WDR70: variants seen among roughly 807,000 people sequenced by gnomAD.
The protein encoded by WDR70 is WD repeat-containing protein 70.
A neutral mutation model predicts 88.6 loss-of-function variants in WDR70; 53 were observed. That is an observed-to-expected ratio of 0.60 (90% CI 0.48 to 0.75). The LOEUF (loss-of-function observed/expected upper bound fraction) is 0.75. WDR70 is among the 30% of genes least tolerant of loss of function. The pLI is 0.00. For synonymous variants in WDR70, 280 were observed against 270.0 expected, an observed-to-expected ratio of 1.04 and a Z score of -0.36; for missense variants, 610 against 823.2, an observed-to-expected ratio of 0.74 and a Z score of 3.17.
At chr5:37,584,053 A>T (rs1166261729) in intron 9 of WDR70, among the ~76,000 whole-genome samples, 1 of 152,188 alleles carries the variant, frequency 6.6e-6, no homozygotes, top group Admixed American at 6.5e-5. Context: ...TAGGTCTGTT[A>T]GTTGATTATT....
chr5:37,450,396 A>G (rs1738638798), intron 7 of WDR70, among the ~76,000 whole-genome samples: 1 of 152,194 alleles, frequency 6.6e-6, no homozygotes, highest in Non-Finnish European at 1.5e-5. Flanking sequence ...ATGCGTGTAT[A>G]TTATACTAAC....
At chr5:37,437,674 G>C (rs1007711791) in intron 5 of WDR70, among the ~76,000 whole-genome samples, 1 of 151,948 alleles carries the variant, frequency 6.6e-6, no homozygotes, top group East Asian at 1.9e-4. Flanking sequence ...TAATTTTATA[G>C]AACCTAATGA....
intron 10 of WDR70, among the ~76,000 whole-genome samples, chr5:37,621,290 A>G (rs1363417362): frequency 6.6e-6 from 1 of 152,144 alleles, no homozygotes; most frequent in Non-Finnish European, 1.5e-5. Flanking sequence ...ATTTTATTTA[A>G]ATATTCCAAA....
intron 10 of WDR70, among the ~76,000 whole-genome samples, chr5:37,689,487 G>A (rs532798890): frequency 1.3e-5 from 2 of 152,346 alleles, no homozygotes; most frequent in South Asian, 4.1e-4. Flanking sequence ...GAAGCTTCCA[G>A]AGGAAGGATC....
intron 10 of WDR70, among the ~76,000 whole-genome samples, chr5:37,660,451 G>GTT (rs369987913): frequency 1.4e-5 from 2 of 144,636 alleles, no homozygotes; most frequent in African/African-American, 2.5e-5. Flanking sequence ...TCTCCTTTCA[G>GTT]TTTTTTTTTT....
At chr5:37,397,439 A>G (rs1749052443) in intron 5 of WDR70, among the ~76,000 whole-genome samples, 1 of 150,458 alleles carries the variant, frequency 6.6e-6, no homozygotes, top group Non-Finnish European at 1.5e-5. Flanking sequence ...ATTGCACGCC[A>G]GCCTGGGCAA....
chr5:37,534,190 T>A (rs544908106), intron 9 of WDR70, among the ~76,000 whole-genome samples: 13 of 152,180 alleles, frequency 8.5e-5, no homozygotes, highest in Admixed American at 2.6e-4. Context: ...ATGATGTGAG[T>A]CTCTACACAC....
chr5:37,656,054 G>T (rs1363396644), intron 10 of WDR70, among the ~76,000 whole-genome samples: 2 of 150,802 alleles, frequency 1.3e-5, no homozygotes, highest in East Asian at 2.0e-4. Context: ...TTTTGCCCTG[G>T]TTTTTTTTTC....
chr5:37,731,990 C>T (rs146440411), intron 17 of WDR70, among the ~76,000 whole-genome samples: 9 of 152,238 alleles, frequency 5.9e-5, no homozygotes, highest in East Asian at 5.8e-4. Context: ...CATCTAATAA[C>T]GAGTTATTTT....
chr5:37,667,627 A>G (rs1031663154), intron 10 of WDR70, among the ~76,000 whole-genome samples: 1 of 152,158 alleles, frequency 6.6e-6, no homozygotes, highest in Non-Finnish European at 1.5e-5. Flanking sequence ...GCTGGATTGC[A>G]TAGCCTTATC....
chr5:37,442,627 G>T (rs1049130026), intron 6 of WDR70, among the ~76,000 whole-genome samples: 1 of 152,176 alleles, frequency 6.6e-6, no homozygotes, highest in African/African-American at 2.4e-5. Context: ...CCGGCCGAAA[G>T]CAAATATTTT....
At chr5:37,489,232 G>A (rs898997182) in intron 8 of WDR70, among the ~76,000 whole-genome samples, 7 of 152,220 alleles carry the variant, frequency 4.6e-5, no homozygotes, top group Non-Finnish European at 1.0e-4. Flanking sequence ...CAGTATATGA[G>A]CACTGGTGTT....
At chr5:37,699,052 G>A (rs1561078615) in intron 11 of WDR70, among the ~76,000 whole-genome samples, 1 of 151,942 alleles carries the variant, frequency 6.6e-6, no homozygotes, top group Non-Finnish European at 1.5e-5. Flanking sequence ...TGAATCCCCT[G>A]GGAAAGTTTT....
At chr5:37,565,909 A>C (rs1397113893) in intron 9 of WDR70, among the ~76,000 whole-genome samples, 1 of 152,066 alleles carries the variant, frequency 6.6e-6, no homozygotes, top group Admixed American at 6.6e-5. Flanking sequence ...GCTTTTTAGG[A>C]ATTCATGTAA....
chr5:37,686,654 T>C (rs1380746791), intron 10 of WDR70, among the ~76,000 whole-genome samples: 1 of 152,078 alleles, frequency 6.6e-6, no homozygotes, highest in Non-Finnish European at 1.5e-5. Context: ...GGAGGATTGC[T>C]CCAGAAATTG....
At chr5:37,751,461 C>T (rs946658566) in intron 17 of WDR70, among the ~76,000 whole-genome samples, 1 of 152,184 alleles carries the variant, frequency 6.6e-6, no homozygotes, top group African/African-American at 2.4e-5. Flanking sequence ...GTACATGACT[C>T]ATGTCAGACA....
intron 10 of WDR70, among the ~76,000 whole-genome samples, chr5:37,621,431 GA>G (rs1167376701): frequency 7.9e-5 from 12 of 152,036 alleles, no homozygotes; most frequent in South Asian, 2.1e-4. Flanking sequence ...TTCATCACCC[GA>G]TAAAGACACC....
intron 9 of WDR70, among the ~76,000 whole-genome samples, chr5:37,554,736 C>A (rs1015706640): frequency 6.6e-6 from 1 of 151,584 alleles, no homozygotes; most frequent in South Asian, 2.1e-4. Context: ...TGCTATGTTA[C>A]CCAGGCTGGA....
Position 37,699,075 on chromosome 5 carries a change from G to C in WDR70, c.1192+1321G>C, listed in dbSNP as rs968851671. On this transcript the variant is annotated intron_variant, in intron 11 of 17. Transcript: ENST00000265107. ...CTGGGAAAGTTTTCAAATGATAATT[G>C]CTCCACTTAGGAATTCTTACATCCA... Among the ~76,000 whole-genome samples, 8 of 151,932 alleles carry C rather than the reference G, an allele frequency of 5.3e-5. No homozygotes were observed. The South Asian group carries it at 1.2e-3, about 24-fold the overall frequency.
Sources: allele counts gnomAD v4.1 joint callset (sites outside exome capture counted in the v4.1 genomes callset), GRCh38; gene constraint gnomAD v4.1.1; transcripts MANE v1.5; gene names NCBI Gene and HGNC (gene_info 2026-07-23, HGNC 2026-07-21).